The following SLC1A4 variants were observed in gnomAD, a reference collection of about 807,000 sequenced individuals.
SLC1A4 encodes the protein neutral amino acid transporter A.
A neutral mutation model predicts 37.7 loss-of-function variants in SLC1A4; 19 were observed. The observed-to-expected ratio is 0.50, with a 90% CI of 0.35 to 0.74. SLC1A4 has a LOEUF of 0.74. Among genes scored for constraint, SLC1A4 ranks in the 30% least tolerant of loss-of-function variants. SLC1A4 has a pLI of 0.01. For synonymous variants in SLC1A4, 299 were observed against 309.8 expected (o/e 0.97, Z 0.37); for missense variants, 570 against 712.9 (o/e 0.80, Z 2.28).
chr2:64,989,598 A>C lies in SLC1A4; in HGVS notation c.-46A>C, dbSNP rs1403103163. On this transcript the variant is annotated 5_prime_UTR_variant, in exon 1 of 8. Coordinates refer to ENST00000234256, the MANE Select transcript of SLC1A4 (RefSeq NM_003038.5). Reference sequence around the variant, plus strand: ...CATTGGGAACCCCGTCTTTTGCCAGAGCCCACGTCCCCTGCCACCTCTAGC... The same window carrying C: ...CATTGGGAACCCCGTCTTTTGCCAGCGCCCACGTCCCCTGCCACCTCTAGC... The C allele has an allele frequency of 6.4e-6, 9 of 1,412,080 alleles. No individual in the cohort carries two copies. Among genetic ancestry groups the C allele is most frequent in the Non-Finnish European group, 8.3e-6 (9 of 1,082,384 alleles). 87.5% of individuals were successfully genotyped at this position (1,412,080 alleles called of 1,614,324 possible).
chr2:65,020,945 G>C lies in SLC1A4; in HGVS notation c.1398G>C (p.Gly466=), dbSNP rs2103685054. 1 of 1,614,158 alleles carries C rather than the reference G, an allele frequency of 6.2e-7. No individual in the cohort carries two copies. Among genetic ancestry groups the C allele is most frequent in the East Asian group, 2.2e-5 (1 of 44,882 alleles). Reference sequence around the variant, plus strand: ...CCACCACGGTGGTGAATGTGGAAGGGGATGCCCTGGGTGCAGGCATTCTCC... The same window carrying C: ...CCACCACGGTGGTGAATGTGGAAGGCGATGCCCTGGGTGCAGGCATTCTCC... ...DRTTTVVNVE[G]DALGAGILHH... The change falls in exon 8 of 8, where the codon GGG becomes GGC. Residue 466 remains glycine, a synonymous_variant. Coordinates refer to ENST00000234256, the MANE Select transcript of SLC1A4 (RefSeq NM_003038.5).
In SLC1A4 at chr2:65,021,109, G is replaced by A; in HGVS notation, c.1562G>A (p.Ser521Asn). 6.2e-7 allele frequency: 1 copy of A among 1,614,234 alleles called. No homozygotes were observed. Among genetic ancestry groups the A allele is most frequent in the Non-Finnish European group, 8.5e-7 (1 of 1,180,034 alleles). Residue 521 changes from serine (S) to asparagine (N), a missense_variant, in exon 8 of 8, where the codon AGT becomes AAT. Physicochemically the swap from Ser to Asn is conservative, Grantham distance 46 (BLOSUM62 1). Transcript: ENST00000234256. ...CAGAACCCCGCTGGCCCCGTGGCCA[G>A]TGCCCCAGAACTGGAATCCAAGGAG... ...THQNPAGPVA[S>N]APELESKESV...
intron 4 of SLC1A4, among the ~76,000 whole-genome samples, chr2:65,012,069 G>T (rs755408893): frequency 6.7e-6 from 1 of 148,632 alleles, no homozygotes. Flanking sequence ...GCACCCAGCC[G>T]CTTCTACTTG....
chr2:65,004,075 T>A, intron 3 of SLC1A4, 60 bp downstream of exon 3: 1 of 1,419,748 alleles, frequency 7.0e-7, no homozygotes, highest in Non-Finnish European at 9.9e-7. Flanking sequence ...TATTTCTTCT[T>A]TGAAGGAGCA....
chr2:64,995,999 A>C (rs1673238977), intron 1 of SLC1A4, among the ~76,000 whole-genome samples: 1 of 152,074 alleles, frequency 6.6e-6, no homozygotes, highest in African/African-American at 2.4e-5. Flanking sequence ...ATTTCATACC[A>C]GTTTTTCTGT....
intron 3 of SLC1A4, among the ~76,000 whole-genome samples, chr2:65,007,346 A>G (rs1027685288): frequency 2.0e-5 from 3 of 152,016 alleles, no homozygotes; most frequent in Admixed American, 6.6e-5. Context: ...TGATCAGGTG[A>G]GGGAGGAGCT....
At chr2:64,990,677 A>G (rs1339969656) in intron 1 of SLC1A4, among the ~76,000 whole-genome samples, 1 of 152,196 alleles carries the variant, frequency 6.6e-6, no homozygotes, top group East Asian at 1.9e-4. Flanking sequence ...TTCTGCAGTT[A>G]TCAGTGGACC....
intron 7 of SLC1A4, among the ~76,000 whole-genome samples, chr2:65,019,936 C>CT (rs773041988): frequency 2.5e-4 from 38 of 152,368 alleles, no homozygotes; most frequent in Non-Finnish European, 4.3e-4. Flanking sequence ...GGACGGCACT[C>CT]TGCAGGGAGT....
intron 2 of SLC1A4, among the ~76,000 whole-genome samples, chr2:65,002,567 A>ATT (rs1324825931): frequency 8.7e-6 from 1 of 115,524 alleles, no homozygotes; most frequent in Non-Finnish European, 1.7e-5. Flanking sequence ...TCCTGTGACC[A>ATT]TTCTTTTTTT....
intron 3 of SLC1A4, among the ~76,000 whole-genome samples, chr2:65,009,658 C>T (rs1266066478): frequency 6.6e-6 from 1 of 152,158 alleles, no homozygotes; most frequent in African/African-American, 2.4e-5. Context: ...GGAACACCAA[C>T]GATTATTTCA....
At position 65,018,136 on chromosome 2, in the gene SLC1A4, G is replaced by T; in HGVS notation, c.1100G>T (p.Ser367Ile). Reference protein sequence around the residue: ...EENNGVDKRISRFILPIGATV... With the variant: ...EENNGVDKRIIRFILPIGATV... ...AACAATGGTGTGGACAAGAGGATCA[G>T]CAGGTTTATTCTCCCCATCGGGGCC... The change falls in exon 6 of 8, where the codon AGC becomes ATC. Residue 367 changes from serine to isoleucine, a missense_variant. Coordinates refer to ENST00000234256, the MANE Select transcript of SLC1A4 (RefSeq NM_003038.5). The surrounding 1 kb of genome is among the most constrained non-coding windows in gnomAD (Gnocchi z 4.3). The T allele has an allele frequency of 6.2e-6, 10 of 1,614,172 alleles. No homozygotes were observed. The highest frequency in any genetic ancestry group is 8.5e-6 in the Non-Finnish European group (10 of 1,180,032).
intron 1 of SLC1A4, among the ~76,000 whole-genome samples, chr2:64,990,975 T>C (rs938106244): frequency 1.1e-4 from 17 of 152,220 alleles, no homozygotes; most frequent in Non-Finnish European, 1.5e-5. Context: ...TGGTCTCTCC[T>C]GGTTTCTCCA....
intron 3 of SLC1A4, among the ~76,000 whole-genome samples, chr2:65,006,887 C>G (rs1378490118): frequency 6.6e-6 from 1 of 152,168 alleles, no homozygotes; most frequent in Non-Finnish European, 1.5e-5. Flanking sequence ...TTACTGTACT[C>G]TAGACAGCAA....
At chr2:64,989,126 G>C (rs1437594903), upstream of SLC1A4, among the ~76,000 whole-genome samples, 12 of 151,984 alleles carry the variant, frequency 7.9e-5, no homozygotes, top group African/African-American at 2.9e-4. Context: ...CGTTAGCCGG[G>C]CGGGTAGGCG....
At position 64,989,796 on chromosome 2, in the gene SLC1A4, G is replaced by T. The variant is rs1385573774; in HGVS notation, c.153G>T (p.Gly51=). 1 of 1,516,050 alleles carries T rather than the reference G, an allele frequency of 6.6e-7. No homozygotes were observed. The highest frequency in any genetic ancestry group is 2.5e-5 in the East Asian group (1 of 39,300). 93.9% of individuals were successfully genotyped at this position (1,516,050 alleles called of 1,614,324 possible). A position where few individuals can be genotyped will look rare whatever the true frequency, so the allele number is the denominator to read the frequency against. Residue 51 remains glycine, a synonymous_variant, in exon 1 of 8, where the codon GGG becomes GGT. Coordinates refer to ENST00000234256, the MANE Select transcript of SLC1A4 (RefSeq NM_003038.5). ...RQALVLLTVS[G]VLAGAGLGAA... ...CGCTGGTGCTGCTCACCGTGTCCGGGGTGCTGGCGGGCGCGGGCCTGGGCG... is the reference window on the plus strand; with the variant it reads ...CGCTGGTGCTGCTCACCGTGTCCGGTGTGCTGGCGGGCGCGGGCCTGGGCG...
chr2:65,002,623 G>T, intron 2 of SLC1A4, among the ~76,000 whole-genome samples: 1 of 131,988 alleles, frequency 7.6e-6, no homozygotes, highest in East Asian at 2.6e-4. Flanking sequence ...TGTTGCCCAG[G>T]CTGGAGTGCA....
rs1325027938 is a variant in SLC1A4 at position 65,022,085 on chromosome 2, C to T, written c.*939C>T. 1 of 152,240 alleles carries T rather than the reference C, an allele frequency of 6.6e-6. No homozygotes were observed. The highest frequency in any genetic ancestry group is 1.9e-4 in the East Asian group (1 of 5,196). The allele number at this position is 152,240 out of a possible 1,614,324, so 9.4% of individuals were successfully genotyped here. A position where few individuals can be genotyped will look rare whatever the true frequency, so the allele number is the denominator to read the frequency against. ...TTCAGGACCCTTGTTGATTTATCAT[C>T]TATTATTTGAATTCAACTGGACACT... On this transcript the variant is annotated 3_prime_UTR_variant, in exon 8 of 8. Transcript: ENST00000234256.
chr2:64,991,154 G>T (rs1376056566), intron 1 of SLC1A4, among the ~76,000 whole-genome samples: 1 of 152,176 alleles, frequency 6.6e-6, no homozygotes, highest in Non-Finnish European at 1.5e-5. Context: ...TTGAGGCAAA[G>T]CTCCTCATTG....
At chr2:65,019,304 C>G (rs980531633) in intron 7 of SLC1A4, among the ~76,000 whole-genome samples, 1 of 152,116 alleles carries the variant, frequency 6.6e-6, no homozygotes, top group Non-Finnish European at 1.5e-5. Context: ...AAAGTTGAGA[C>G]AGTAGAGCCT....
Sources: gnomAD v4.1 joint callset for allele counts (sites outside exome capture counted in the v4.1 genomes callset) on GRCh38, gnomAD v4.1.1 for gene constraint, Gnocchi (gnomAD v3.1) non-coding constraint, MANE v1.5 for transcripts, NCBI Gene and HGNC (gene_info 2026-07-23, HGNC 2026-07-21) for gene names.